The following PRTFDC1 variants were observed in gnomAD, a reference collection of about 807,000 sequenced individuals.
PRTFDC1 encodes phosphoribosyltransferase domain-containing protein 1.
A neutral mutation model predicts 34.6 loss-of-function variants in PRTFDC1; 38 were observed. The observed-to-expected ratio is 1.10, with a 90% CI of 0.85 to 1.44. The LOEUF (loss-of-function observed/expected upper bound fraction) is 1.44. Among genes scored for constraint, PRTFDC1 ranks in the 40% most tolerant of loss-of-function variants. The pLI, the probability that PRTFDC1 is intolerant of heterozygous loss-of-function variation, is 0.00. For missense variants in PRTFDC1, 270 were observed against 283.0 expected, an observed-to-expected ratio of 0.95 and a Z score of 0.33; for synonymous variants, 93 against 98.1, an observed-to-expected ratio of 0.95 and a Z score of 0.31.
intron 3 of PRTFDC1, among the ~76,000 whole-genome samples, chr10:24,909,237 TG>T (rs113839342): frequency 0.012 from 1,888 of 152,242 alleles, 44 homozygotes; most frequent in African/African-American, 0.043. Flanking sequence ...GTCATGATTG[TG>T]TCATTGCACT....
At chr10:24,912,030 A>G (rs529177474) in intron 3 of PRTFDC1, among the ~76,000 whole-genome samples, 88 of 152,096 alleles carry the variant, frequency 5.8e-4, no homozygotes, top group Non-Finnish European at 8.5e-4. Flanking sequence ...GCACTTTGGG[A>G]GGCTGAGGCG....
Position 24,933,774 on chromosome 10 carries a change from A to G in PRTFDC1, c.339+3410T>C, listed in dbSNP as rs533553443. 4.6e-5 allele frequency among the ~76,000 whole-genome samples: 7 copies of G among 151,576 alleles called. No individual in the cohort carries two copies. The East Asian group carries it at 1.4e-3, about 29-fold the overall frequency. Reference sequence around the variant, plus strand: ...AGTGGCACAATCTCAGCTCACTGCAACCTCTGCCTCCCAGGTTCGAGTGAT... The same window carrying G: ...AGTGGCACAATCTCAGCTCACTGCAGCCTCTGCCTCCCAGGTTCGAGTGAT... On this transcript the variant is annotated intron_variant, in intron 3 of 8. Transcript: ENST00000320152.
chr10:24,949,756 TAAG>T (rs1341705690), intron 1 of PRTFDC1, among the ~76,000 whole-genome samples: 1 of 148,076 alleles, frequency 6.8e-6, no homozygotes, highest in Non-Finnish European at 1.5e-5. Context: ...TTTTTTTTTT[TAAG>T]AAGGAGTTTC....
In PRTFDC1 at chr10:24,856,942, T is replaced by G; in HGVS notation, c.477A>C (p.Lys159Asn). Residue 159 changes from lysine to asparagine, a missense_variant, in exon 6 of 9, where the codon AAA (lysine) becomes AAC (asparagine). Lys to Asn is a moderately conservative substitution (Grantham distance 94, BLOSUM62 0). Transcript: ENST00000320152. ...TMKALLSNIE[K>N]YKPNMIKVAS... is the part of the protein sequence containing the mutation. ...CTACCTTAATCATGTTGGGCTTGTA[T>G]TTCTCTATATTGCTGAGTAGTGCTT... is the stretch of plus-strand genomic sequence containing the variant. 5.0e-6 allele frequency: 8 copies of G among 1,613,666 alleles called. No individual in the cohort carries two copies. Among genetic ancestry groups the G allele is most frequent in the Non-Finnish European group, 5.9e-6 (7 of 1,179,570 alleles).
chr10:24,858,274 C>G, intron 5 of PRTFDC1, 118 bp downstream of exon 5: 5 of 1,036,610 alleles, frequency 4.8e-6, no homozygotes, highest in Non-Finnish European at 7.4e-6. Context: ...ATTTGGAGAG[C>G]ATGCACCCAG....
chr10:24,876,587 G>A (rs902312860), intron 3 of PRTFDC1, among the ~76,000 whole-genome samples: 25 of 152,086 alleles, frequency 1.6e-4, no homozygotes, highest in African/African-American at 4.1e-4. Context: ...CCAGCTACTC[G>A]GGAGGCTGAG....
intron 3 of PRTFDC1, among the ~76,000 whole-genome samples, chr10:24,929,330 T>TA (rs1848937416): frequency 2.0e-5 from 3 of 152,150 alleles, no homozygotes; most frequent in African/African-American, 7.2e-5. Flanking sequence ...GGCTAACCCT[T>TA]AGCTCTAATG....
At chr10:24,897,293 C>A (rs941619646) in intron 3 of PRTFDC1, among the ~76,000 whole-genome samples, 3 of 152,182 alleles carry the variant, frequency 2.0e-5, no homozygotes, top group Non-Finnish European at 4.4e-5. Context: ...AGTTAAAAGG[C>A]ATTCCTATTC....
chr10:24,917,936 A>C (rs1363125526), intron 3 of PRTFDC1, among the ~76,000 whole-genome samples: 2 of 152,176 alleles, frequency 1.3e-5, no homozygotes, highest in African/African-American at 4.8e-5. Flanking sequence ...GGATCTCCCC[A>C]GGCCTCTGTT....
At chr10:24,854,052 T>G (rs1340979023) in intron 7 of PRTFDC1, among the ~76,000 whole-genome samples, 1 of 152,172 alleles carries the variant, frequency 6.6e-6, no homozygotes, top group African/African-American at 2.4e-5. Flanking sequence ...AGAGCTATTG[T>G]GTGGATGAAA....
intron 7 of PRTFDC1, among the ~76,000 whole-genome samples, chr10:24,854,564 A>G (rs1343038624): frequency 6.6e-6 from 1 of 152,066 alleles, no homozygotes; most frequent in Non-Finnish European, 1.5e-5. Context: ...AAGTCTGCCT[A>G]TGCAAGTGAA....
intron 3 of PRTFDC1, among the ~76,000 whole-genome samples, chr10:24,915,268 T>C (rs1372106236): frequency 6.6e-6 from 1 of 152,172 alleles, no homozygotes; most frequent in African/African-American, 2.4e-5. Flanking sequence ...CATATTCTCT[T>C]CATTATGCTT....
intron 6 of PRTFDC1, among the ~76,000 whole-genome samples, chr10:24,855,741 G>A (rs1464261823): frequency 6.6e-6 from 1 of 152,164 alleles, no homozygotes; most frequent in Non-Finnish European, 1.5e-5. Flanking sequence ...GCTGCAGTGA[G>A]CCTTGATTGC....
At position 24,900,747 on chromosome 10, in the gene PRTFDC1, G is replaced by A. The variant is rs145306126; in HGVS notation, c.340-28684C>T. Among the ~76,000 whole-genome samples, 837 of 152,216 alleles carry A rather than the reference G, an allele frequency of 5.5e-3. 6 individuals are homozygous for A. The highest frequency in any genetic ancestry group is 0.041 in the Middle Eastern group (12 of 294). On this transcript the variant is annotated intron_variant, in intron 3 of 8. Coordinates refer to ENST00000320152, the MANE Select transcript of PRTFDC1 (RefSeq NM_020200.7). ...CAAGCCAGTTAGTTTGGAAATTTTA[G>A]TTCCTACATTTTGTACATGTTTATA...
intron 3 of PRTFDC1, among the ~76,000 whole-genome samples, chr10:24,921,162 T>C (rs1446881100): frequency 6.6e-6 from 1 of 151,998 alleles, no homozygotes; most frequent in African/African-American, 2.4e-5. Context: ...GGCTCAGATA[T>C]CGCTGGAGTA....
At chr10:24,929,045 A>AAAT (rs1848928568) in intron 3 of PRTFDC1, among the ~76,000 whole-genome samples, 1 of 112,022 alleles carries the variant, frequency 8.9e-6, no homozygotes, top group African/African-American at 3.3e-5. Context: ...CGTCTCAAAA[A>AAAT]AAAAAAAAAA....
At chr10:24,867,303 C>G (rs1195242551) in intron 4 of PRTFDC1, among the ~76,000 whole-genome samples, 1 of 152,198 alleles carries the variant, frequency 6.6e-6, no homozygotes, top group Non-Finnish European at 1.5e-5. Flanking sequence ...ACGATTCCTT[C>G]TCTTCCACCC....
chr10:24,936,289 C>CT (rs965013720), intron 3 of PRTFDC1, among the ~76,000 whole-genome samples: 65 of 145,334 alleles, frequency 4.5e-4, no homozygotes, highest in East Asian at 6.0e-4. Context: ...GAAACAACAG[C>CT]TTTTTTTTTT....
At chr10:24,880,488 A>C (rs1848048294) in intron 3 of PRTFDC1, among the ~76,000 whole-genome samples, 1 of 152,124 alleles carries the variant, frequency 6.6e-6, no homozygotes, top group South Asian at 2.1e-4. Flanking sequence ...AATCTTAAGA[A>C]ACATACACAT....
Sources: allele counts gnomAD v4.1 joint callset (sites outside exome capture counted in the v4.1 genomes callset), GRCh38; gene constraint gnomAD v4.1.1; transcripts MANE v1.5; gene names NCBI Gene and HGNC (gene_info 2026-07-23, HGNC 2026-07-21).